Variants in TRPC4 observed in about 807,000 individuals in gnomAD.
TRPC4 encodes short transient receptor potential channel 4.
In TRPC4, 49 loss-of-function variants were observed where a neutral mutation model predicts 99.4. That is an observed-to-expected ratio of 0.49 (90% CI 0.39 to 0.63). The LOEUF (loss-of-function observed/expected upper bound fraction) is 0.63, where lower values mean the gene tolerates loss of function less well. TRPC4 is among the 20% of genes least tolerant of loss of function. The pLI is 0.00. For missense variants in TRPC4, 898 were observed against 1,152.9 expected, an observed-to-expected ratio of 0.78 and a Z score of 3.20; for synonymous variants, 454 against 425.9, an observed-to-expected ratio of 1.07 and a Z score of -0.81.
intron 4 of TRPC4, among the ~76,000 whole-genome samples, chr13:37,682,922 CTTTTTTTT>C (rs35740848): frequency 1.9e-4 from 21 of 109,344 alleles, no homozygotes; most frequent in African/African-American, 5.5e-4. Flanking sequence ...GCCCAGCTAT[CTTTTTTTT>C]TTTTTTTTTT....
intron 8 of TRPC4, among the ~76,000 whole-genome samples, chr13:37,646,118 C>G (rs1252077773): frequency 6.6e-6 from 1 of 152,170 alleles, no homozygotes; most frequent in Non-Finnish European, 1.5e-5. Context: ...ATAGCTGTTG[C>G]TAATCTATTC....
chr13:37,839,026 A>G (rs1958654349), intron 1 of TRPC4, among the ~76,000 whole-genome samples: 1 of 152,300 alleles, frequency 6.6e-6, no homozygotes, highest in South Asian at 2.1e-4. Flanking sequence ...TATATCTTAT[A>G]AAGTTAGTCT....
chr13:37,822,216 T>C (rs1958033131), intron 1 of TRPC4, among the ~76,000 whole-genome samples: 1 of 152,052 alleles, frequency 6.6e-6, no homozygotes, highest in East Asian at 1.9e-4. Context: ...CATCACAGAT[T>C]ATTAGAGAAA....
chr13:37,687,642 A>G (rs767841542), intron 4 of TRPC4, among the ~76,000 whole-genome samples: 3 of 152,330 alleles, frequency 2.0e-5, no homozygotes, highest in East Asian at 1.9e-4. Flanking sequence ...TAAATTTATC[A>G]TATTCTATTC....
rs763087483 is a variant in TRPC4 at position 37,663,481 on chromosome 13, A to G, written c.1623T>C (p.Tyr541=). ...ANGLNQLYFY[Y]EETKGLTCKG... is the part of the protein sequence containing the mutation. ...TGCAGGTTAACCCTTTCGTTTCTTC[A>G]TAATAGAAGTACAATTGATTTAGGC... is the stretch of plus-strand genomic sequence containing the variant. Residue 541 remains tyrosine (Y), a synonymous_variant, in exon 6 of 11, where the codon TAT becomes TAC. Coordinates refer to ENST00000379705, the MANE Select transcript of TRPC4 (RefSeq NM_016179.4). The G allele has an allele frequency of 1.2e-6, 2 of 1,614,200 alleles. No individual in the cohort carries two copies. Among genetic ancestry groups the G allele is most frequent in the Admixed American group, 3.3e-5 (2 of 60,032 alleles).
rs575479338 is a variant in TRPC4 at position 37,764,714 on chromosome 13, A to G, written c.378+18242T>C. On this transcript the variant is annotated intron_variant, in intron 2 of 10. Transcript: ENST00000379705. Reference sequence around the variant, plus strand: ...TTTGTTACATTCTTTTAATCAAGTTAAGGAATATCTTTTGTCTATTCCATT... The same window carrying G: ...TTTGTTACATTCTTTTAATCAAGTTGAGGAATATCTTTTGTCTATTCCATT... Among the ~76,000 whole-genome samples the G allele has an allele frequency of 4.6e-5, 7 of 151,330 alleles. No homozygotes were observed. In the East Asian group the frequency reaches 1.4e-3, roughly 29 times the overall value.
rs115804355 is a variant in TRPC4, at chr13:37,810,145, G to A, written c.-27-26785C>T. Reference sequence around the variant, plus strand: ...GGTTTGTAAAATTTAAATCATGCTAGAAGTATTTCTGCTTTGATAAGTTAA... The same window carrying A: ...GGTTTGTAAAATTTAAATCATGCTAAAAGTATTTCTGCTTTGATAAGTTAA... On this transcript the variant is annotated intron_variant, in intron 1 of 10. Coordinates refer to ENST00000379705, the MANE Select transcript of TRPC4 (RefSeq NM_016179.4). Among the ~76,000 whole-genome samples the A allele has an allele frequency of 3.1e-3, 477 of 152,088 alleles. 3 individuals are homozygous for A. Among genetic ancestry groups the A allele is most frequent in the African/African-American group, 0.011 (453 of 41,522 alleles).
At chr13:37,851,551 T>C (rs1344494952) in intron 1 of TRPC4, among the ~76,000 whole-genome samples, 1 of 152,224 alleles carries the variant, frequency 6.6e-6, no homozygotes, top group Non-Finnish European at 1.5e-5. Flanking sequence ...CTGAAATTAT[T>C]AATTCAATAA....
intron 2 of TRPC4, among the ~76,000 whole-genome samples, chr13:37,750,743 C>T (rs544511317): frequency 1.3e-5 from 2 of 152,104 alleles, no homozygotes. Context: ...TGGTTTGCTG[C>T]ACCCATCAAC....
chr13:37,772,721 G>C (rs1008899614), intron 2 of TRPC4, among the ~76,000 whole-genome samples: 2 of 151,626 alleles, frequency 1.3e-5, no homozygotes, highest in African/African-American at 4.8e-5. Flanking sequence ...ATCAAAAAAG[G>C]GTTCACGTTA....
intron 1 of TRPC4, among the ~76,000 whole-genome samples, chr13:37,791,398 T>TAA (rs11312586): frequency 2.6e-5 from 3 of 114,752 alleles, no homozygotes; most frequent in African/African-American, 3.7e-5. Context: ...TCTGTCTCAA[T>TAA]AAAAAAAAAA....
chr13:37,658,910 G>A lies in TRPC4; in HGVS notation c.1689-3627C>T, dbSNP rs1243525400. 2.0e-5 allele frequency among the ~76,000 whole-genome samples: 3 copies of A among 152,004 alleles called. 1 individual carries two copies. Among genetic ancestry groups the A allele is most frequent in the Non-Finnish European group, 4.4e-5 (3 of 68,008 alleles). On this transcript the variant is annotated intron_variant, in intron 6 of 10. Transcript: ENST00000379705. ...GGGAGAAGACCAGAAAAGGCCTCCT[G>A]CAAAAGGTATATCTGAGGTAGGATT...
At chr13:37,846,914 C>A (rs1017241015) in intron 1 of TRPC4, among the ~76,000 whole-genome samples, 1 of 151,784 alleles carries the variant, frequency 6.6e-6, no homozygotes, top group African/African-American at 2.4e-5. Context: ...AGTAGTTACA[C>A]TTAGACAAAA....
chr13:37,664,288 T>A (rs1952557673), intron 5 of TRPC4, among the ~76,000 whole-genome samples: 1 of 152,096 alleles, frequency 6.6e-6, no homozygotes, highest in African/African-American at 2.4e-5. Context: ...TAAAAAAGGG[T>A]CAAGGCCTGG....
chr13:37,646,752 T>C (rs916706436), intron 8 of TRPC4, among the ~76,000 whole-genome samples: 1 of 152,186 alleles, frequency 6.6e-6, no homozygotes, highest in East Asian at 1.9e-4. Context: ...ATAAGAAGGG[T>C]ATTTGCTGAT....
At chr13:37,858,857 T>C (rs1959196480) in intron 1 of TRPC4, among the ~76,000 whole-genome samples, 1 of 151,212 alleles carries the variant, frequency 6.6e-6, no homozygotes, top group African/African-American at 2.4e-5. Flanking sequence ...ATGAATAATA[T>C]GTAGTATTTG....
chr13:37,824,364 A>G (rs1958131894), intron 1 of TRPC4, among the ~76,000 whole-genome samples: 1 of 149,328 alleles, frequency 6.7e-6, no homozygotes, highest in Non-Finnish European at 1.5e-5. Flanking sequence ...TTTCAAAGGG[A>G]ATGCTTCCAG....
At chr13:37,651,923 G>C (rs1952059054) in intron 7 of TRPC4, among the ~76,000 whole-genome samples, 1 of 152,196 alleles carries the variant, frequency 6.6e-6, no homozygotes, top group Non-Finnish European at 1.5e-5. Context: ...TATTGGATAT[G>C]TTTTCATGTG....
chr13:37,721,346 A>G (rs770479207), intron 3 of TRPC4, among the ~76,000 whole-genome samples: 1 of 152,154 alleles, frequency 6.6e-6, no homozygotes, highest in Non-Finnish European at 1.5e-5. Context: ...GAAATGCAAA[A>G]GATTGTTAAT....
Sources: gnomAD v4.1 joint callset for allele counts (sites outside exome capture counted in the v4.1 genomes callset) on GRCh38, gnomAD v4.1.1 for gene constraint, MANE v1.5 for transcripts, NCBI Gene and HGNC (gene_info 2026-07-23, HGNC 2026-07-21) for gene names.